The following HS6ST3 variants were observed in gnomAD, a reference collection of about 807,000 sequenced individuals.
HS6ST3 encodes the protein heparan-sulfate 6-O-sulfotransferase 3.
In HS6ST3, 12 loss-of-function variants were observed where a neutral mutation model predicts 36.7. That is an observed-to-expected ratio of 0.33 (90% CI 0.21 to 0.53). HS6ST3 has a LOEUF of 0.53. HS6ST3 is among the 20% of genes least tolerant of loss of function. HS6ST3 has a pLI of 0.95. For missense variants in HS6ST3, 584 were observed against 640.9 expected, an observed-to-expected ratio of 0.91 and a Z score of 0.96; for synonymous variants, 240 against 257.5, an observed-to-expected ratio of 0.93 and a Z score of 0.65.
At chr13:96,552,524 T>C (rs919450443) in intron 1 of HS6ST3, among the ~76,000 whole-genome samples, 4 of 152,192 alleles carry the variant, frequency 2.6e-5, no homozygotes, top group African/African-American at 9.7e-5. Context: ...AGAGTTTCCC[T>C]CCTGGGGGCT....
At chr13:96,632,892 T>C (rs1417867255) in intron 1 of HS6ST3, among the ~76,000 whole-genome samples, 1 of 152,232 alleles carries the variant, frequency 6.6e-6, no homozygotes, top group East Asian at 1.9e-4. Context: ...AAGATATTAG[T>C]AGATGTAAAA....
chr13:96,426,004 G>A (rs1212512051), intron 1 of HS6ST3, among the ~76,000 whole-genome samples: 2 of 151,430 alleles, frequency 1.3e-5, no homozygotes, highest in Non-Finnish European at 2.9e-5. Context: ...AGTGCCCCCC[G>A]AGAACCCCCA....
At chr13:96,109,660 G>T (rs1014193666) in intron 1 of HS6ST3, among the ~76,000 whole-genome samples, 1 of 152,156 alleles carries the variant, frequency 6.6e-6, no homozygotes, top group Non-Finnish European at 1.5e-5. Flanking sequence ...TGACTTTGAG[G>T]TATCAGGGAA....
chr13:96,185,251 A>T (rs778832576), intron 1 of HS6ST3, among the ~76,000 whole-genome samples: 5 of 152,216 alleles, frequency 3.3e-5, no homozygotes, highest in Non-Finnish European at 5.9e-5. Flanking sequence ...TGTGAAATTG[A>T]GGTAATAACA....
At chr13:96,258,914 CTG>C (rs2139381903) in intron 1 of HS6ST3, among the ~76,000 whole-genome samples, 1 of 152,146 alleles carries the variant, frequency 6.6e-6, no homozygotes, top group African/African-American at 2.4e-5. Context: ...ACTGTAGAGT[CTG>C]TAGAAGGGAT....
chr13:96,711,772 C>T (rs1464336068), intron 1 of HS6ST3, among the ~76,000 whole-genome samples: 2 of 152,220 alleles, frequency 1.3e-5, no homozygotes, highest in Non-Finnish European at 2.9e-5. Context: ...GGACTTTCCA[C>T]GTGTTTCCCA....
chr13:96,347,464 C>T (rs1035989760), intron 1 of HS6ST3, among the ~76,000 whole-genome samples: 1 of 152,110 alleles, frequency 6.6e-6, no homozygotes, highest in African/African-American at 2.4e-5. Context: ...GTAAATGAAA[C>T]CTGGGTGAAA....
At chr13:96,514,368 G>A (rs1025055592) in intron 1 of HS6ST3, among the ~76,000 whole-genome samples, 3 of 152,182 alleles carry the variant, frequency 2.0e-5, no homozygotes, top group African/African-American at 4.8e-5. Context: ...TTCTCGCTCT[G>A]ATCATTGGGA....
Position 96,562,167 on chromosome 13 carries a change from A to G in HS6ST3, c.708-270323A>G, listed in dbSNP as rs532089701. ...GGTGGATAGATAAACAAAATGTGGTACATATACAACATGGGATACTGCACA... is the reference window on the plus strand; with the variant it reads ...GGTGGATAGATAAACAAAATGTGGTGCATATACAACATGGGATACTGCACA... On this transcript the variant is annotated intron_variant, in intron 1 of 1. Transcript: ENST00000376705. 3.9e-5 allele frequency among the ~76,000 whole-genome samples: 6 copies of G among 152,368 alleles called. No individual in the cohort carries two copies. The South Asian group carries it at 1.2e-3, about 32-fold the overall frequency.
rs186815396 is a variant in HS6ST3 at position 96,542,505 on chromosome 13, T to C, written c.708-289985T>C. Reference sequence around the variant, plus strand: ...TCCCACGCTTTCAAGGGTCCACCTTTTCTGGCATATTTGGGAAGGGGGAAC... The same window carrying C: ...TCCCACGCTTTCAAGGGTCCACCTTCTCTGGCATATTTGGGAAGGGGGAAC... On this transcript the variant is annotated intron_variant, in intron 1 of 1. Coordinates refer to ENST00000376705, the MANE Select transcript of HS6ST3 (RefSeq NM_153456.4). Among the ~76,000 whole-genome samples, 72 of 152,340 alleles carry C rather than the reference T, an allele frequency of 4.7e-4. No homozygotes were observed. The East Asian group carries it at 0.01, about 22-fold the overall frequency.
chr13:96,657,205 T>G lies in HS6ST3; in HGVS notation c.708-175285T>G, dbSNP rs572093142. Among the ~76,000 whole-genome samples the G allele has an allele frequency of 5.1e-4, 78 of 152,140 alleles. 1 individual carries two copies. In the South Asian group the frequency reaches 0.016, roughly 30 times the overall value. ...TTGCAAAGCAAAATTATCAAAATAA[T>G]GAGGAGAAATTTTAAAAAGAAAAAA... On this transcript the variant is annotated intron_variant, in intron 1 of 1. Coordinates refer to ENST00000376705, the MANE Select transcript of HS6ST3 (RefSeq NM_153456.4).
At chr13:96,779,938 C>T (rs1178653907) in intron 1 of HS6ST3, among the ~76,000 whole-genome samples, 1 of 152,098 alleles carries the variant, frequency 6.6e-6, no homozygotes, top group African/African-American at 2.4e-5. Context: ...GAATGTATTG[C>T]TGAATGGCAT....
chr13:96,194,868 T>C (rs1237403882), intron 1 of HS6ST3, among the ~76,000 whole-genome samples: 1 of 152,194 alleles, frequency 6.6e-6, no homozygotes. Flanking sequence ...TTATTTCTTT[T>C]AATTCCCTTT....
intron 1 of HS6ST3, among the ~76,000 whole-genome samples, chr13:96,664,351 C>T (rs1332358643): frequency 6.6e-6 from 1 of 152,166 alleles, no homozygotes; most frequent in East Asian, 1.9e-4. Context: ...TCATCATCAT[C>T]GTCATCACTG....
intron 1 of HS6ST3, among the ~76,000 whole-genome samples, chr13:96,760,281 A>G (rs1313796800): frequency 6.6e-6 from 1 of 152,028 alleles, no homozygotes; most frequent in African/African-American, 2.4e-5. Flanking sequence ...TAGAATTTTT[A>G]TCTTCTTTTG....
At chr13:96,243,686 G>T (rs1350608172) in intron 1 of HS6ST3, among the ~76,000 whole-genome samples, 1 of 152,128 alleles carries the variant, frequency 6.6e-6, no homozygotes, top group African/African-American at 2.4e-5. Flanking sequence ...TTTATTTTAA[G>T]TATGAACATC....
At chr13:96,391,540 G>T (rs915681313) in intron 1 of HS6ST3, among the ~76,000 whole-genome samples, 27 of 152,142 alleles carry the variant, frequency 1.8e-4, no homozygotes, top group African/African-American at 6.5e-4. Context: ...GTATTAGCCT[G>T]TTTTCACACT....
At chr13:96,486,710 G>A (rs1426949262) in intron 1 of HS6ST3, among the ~76,000 whole-genome samples, 2 of 152,058 alleles carry the variant, frequency 1.3e-5, no homozygotes, top group Non-Finnish European at 2.9e-5. Flanking sequence ...TTTTGATGGG[G>A]TTGTTCGTTT....
Position 96,316,772 on chromosome 13 carries a change from G to T in HS6ST3, c.707+225203G>T, listed in dbSNP as rs191086089. Among the ~76,000 whole-genome samples, 3 of 152,074 alleles carry T rather than the reference G, an allele frequency of 2.0e-5. No homozygotes were observed. The East Asian group carries it at 5.8e-4, about 29-fold the overall frequency. On this transcript the variant is annotated intron_variant, in intron 1 of 1. Transcript: ENST00000376705. ...CATTTCTTCTCATATGAACAAACAC[G>T]CCTACCCCCTTTCTCTTTTCTCTCT...
Sources: allele counts gnomAD v4.1 joint callset (sites outside exome capture counted in the v4.1 genomes callset), GRCh38; gene constraint gnomAD v4.1.1; transcripts MANE v1.5; gene names NCBI Gene and HGNC (gene_info 2026-07-23, HGNC 2026-07-21).